Variants in ROBO1 observed in about 807,000 individuals in gnomAD.
ROBO1 encodes roundabout homolog 1.
A neutral mutation model predicts 195.9 loss-of-function variants in ROBO1; 149 were observed. The observed-to-expected ratio is 0.76, with a 90% CI of 0.67 to 0.87. The LOEUF is 0.87. Among genes scored for constraint, ROBO1 ranks in the 40% least tolerant of loss-of-function variants. The pLI is 0.00. For synonymous variants in ROBO1, 816 were observed against 733.2 expected (o/e 1.11, Z -1.82); for missense variants, 1,933 against 2,068.3 (o/e 0.93, Z 1.27).
rs2040980930 is a variant in ROBO1, at chr3:78,955,143, T to C, written c.173-16216A>G. Reference sequence around the variant, plus strand: ...AGGTAAACTGTGTGTCATGGAGTTATATAGGTAAATTGTGTGTCATGGGGT... The same window carrying C: ...AGGTAAACTGTGTGTCATGGAGTTACATAGGTAAATTGTGTGTCATGGGGT... On this transcript the variant is annotated intron_variant, in intron 3 of 30. Coordinates refer to ENST00000464233, the MANE Select transcript of ROBO1 (RefSeq NM_002941.4). 2.0e-5 allele frequency among the ~76,000 whole-genome samples: 3 copies of C among 150,770 alleles called. No individual in the cohort carries two copies. In the South Asian group the frequency reaches 6.3e-4, roughly 32 times the overall value.
At chr3:79,006,937 T>C (rs1429371693) in intron 3 of ROBO1, among the ~76,000 whole-genome samples, 1 of 152,144 alleles carries the variant, frequency 6.6e-6, no homozygotes, top group Non-Finnish European at 1.5e-5. Flanking sequence ...AGGGAATATT[T>C]ATAAAATGCA....
At chr3:78,601,221 A>G (rs1253012451) in intron 29 of ROBO1, among the ~76,000 whole-genome samples, 1 of 152,146 alleles carries the variant, frequency 6.6e-6, no homozygotes, top group Non-Finnish European at 1.5e-5. Flanking sequence ...TTTCCCTTGA[A>G]GTTCCCGCTG....
chr3:79,668,416 C>G (rs980113691), intron 1 of ROBO1, among the ~76,000 whole-genome samples: 1 of 41,218 alleles, frequency 2.4e-5, no homozygotes, highest in Non-Finnish European at 4.7e-5. Context: ...AAATAAGTCT[C>G]TGTGAAGCAA....
intron 3 of ROBO1, among the ~76,000 whole-genome samples, chr3:79,116,936 A>G (rs1395733948): frequency 6.6e-6 from 1 of 152,164 alleles, no homozygotes; most frequent in Non-Finnish European, 1.5e-5. Context: ...TACTATTTTT[A>G]ATTGCTTTTT....
intron 1 of ROBO1, among the ~76,000 whole-genome samples, chr3:79,592,786 TG>T (rs1448612316): frequency 6.6e-6 from 1 of 152,028 alleles, no homozygotes; most frequent in Non-Finnish European, 1.5e-5. Context: ...TTACTCTTGG[TG>T]TTGTGCATTT....
chr3:79,621,202 G>A (rs978020191), intron 1 of ROBO1, among the ~76,000 whole-genome samples: 1 of 152,086 alleles, frequency 6.6e-6, no homozygotes, highest in Non-Finnish European at 1.5e-5. Context: ...CATTACTTCA[G>A]TCAAGCCCTT....
chr3:78,748,009 A>G (rs2125123), intron 4 of ROBO1, among the ~76,000 whole-genome samples: 12,286 of 152,252 alleles, frequency 0.081, 1,062 homozygotes, highest in African/African-American at 0.22. Context: ...AATAGTTATC[A>G]TTCCTCCACC....
chr3:79,224,329 G>A (rs181333800), intron 2 of ROBO1, among the ~76,000 whole-genome samples: 2 of 152,122 alleles, frequency 1.3e-5, no homozygotes, highest in African/African-American at 2.4e-5. Context: ...TCATGCTTTC[G>A]GAGTCCTGTA....
At chr3:78,672,415 CAAAAATAAAAAT>C (rs915805028) in intron 10 of ROBO1, among the ~76,000 whole-genome samples, 46 of 151,656 alleles carry the variant, frequency 3.0e-4, no homozygotes, top group African/African-American at 9.9e-4. Flanking sequence ...CCCATCTCCA[CAAAAATAAAAAT>C]AAAAATAAAA....
At position 78,867,904 on chromosome 3, in the gene ROBO1, A is replaced by G. The variant is rs558487594; in HGVS notation, c.499+70697T>C. Among the ~76,000 whole-genome samples the G allele has an allele frequency of 3.9e-5, 6 of 152,302 alleles. No individual in the cohort carries two copies. In the South Asian group the frequency reaches 1.0e-3, roughly 26 times the overall value. On this transcript the variant is annotated intron_variant, in intron 4 of 30. Transcript: ENST00000464233. Reference sequence around the variant, plus strand: ...GGGCAGAAAATGTGACTATAGAAGAATAACACAATTTGCCTCAGAATTGAG... The same window carrying G: ...GGGCAGAAAATGTGACTATAGAAGAGTAACACAATTTGCCTCAGAATTGAG...
intron 2 of ROBO1, among the ~76,000 whole-genome samples, chr3:79,479,300 A>C (rs912372160): frequency 1.8e-4 from 27 of 152,312 alleles, no homozygotes; most frequent in African/African-American, 6.0e-4. Flanking sequence ...TCAGATTATC[A>C]GGCATTAGTC....
intron 4 of ROBO1, among the ~76,000 whole-genome samples, chr3:78,787,926 CTTTTTTTTTTTTTTTTT>C (rs71127358): frequency 2.8e-5 from 2 of 71,672 alleles, no homozygotes; most frequent in African/African-American, 6.1e-5. Context: ...GACCCCTTCT[CTTTTTTTTTTTTTTTTT>C]TTTTTTTTTT....
intron 4 of ROBO1, among the ~76,000 whole-genome samples, chr3:78,858,334 C>T (rs2034575591): frequency 6.6e-6 from 1 of 152,134 alleles, no homozygotes; most frequent in East Asian, 1.9e-4. Context: ...CAAAGGCAGA[C>T]TGTTGATGAT....
chr3:78,660,794 T>G (rs1368203220), intron 16 of ROBO1: 1 of 392,074 alleles, frequency 2.6e-6, no homozygotes, highest in African/African-American at 2.0e-5. Flanking sequence ...CATTAAGTAA[T>G]ATAATGTTCA....
At chr3:78,732,056 G>C (rs917140685) in intron 5 of ROBO1, among the ~76,000 whole-genome samples, 3 of 151,934 alleles carry the variant, frequency 2.0e-5, no homozygotes, top group African/African-American at 7.3e-5. Context: ...CTATATTTTG[G>C]ATTAGAAAAT....
At chr3:78,867,810 C>T (rs2035276053) in intron 4 of ROBO1, among the ~76,000 whole-genome samples, 3 of 152,196 alleles carry the variant, frequency 2.0e-5, no homozygotes, top group South Asian at 4.1e-4. Context: ...ACAATAGAAC[C>T]CTTATCTTGT....
intron 3 of ROBO1, among the ~76,000 whole-genome samples, chr3:78,964,003 G>T (rs1022512507): frequency 6.6e-6 from 1 of 152,156 alleles, no homozygotes; most frequent in African/African-American, 2.4e-5. Context: ...GGTGTCAGTA[G>T]GGTTGGTTAT....
chr3:78,943,988 A>C (rs187738723), intron 3 of ROBO1, among the ~76,000 whole-genome samples: 2 of 152,360 alleles, frequency 1.3e-5, no homozygotes, highest in East Asian at 1.9e-4. Flanking sequence ...AAAAAGTATA[A>C]TGAATTATTA....
At chr3:79,112,399 A>C (rs943353482) in intron 3 of ROBO1, among the ~76,000 whole-genome samples, 1 of 152,110 alleles carries the variant, frequency 6.6e-6, no homozygotes, top group Non-Finnish European at 1.5e-5. Flanking sequence ...CGCCACTGAA[A>C]TCAGTCCTTG....
Sources: gnomAD v4.1 joint callset for allele counts (sites outside exome capture counted in the v4.1 genomes callset) on GRCh38, gnomAD v4.1.1 for gene constraint, MANE v1.5 for transcripts, NCBI Gene and HGNC (gene_info 2026-07-23, HGNC 2026-07-21) for gene names.